CRISPLD2: variants seen among roughly 807,000 people sequenced by gnomAD.
CRISPLD2 encodes the protein cysteine rich secretory protein LCCL domain containing 2.
Under a neutral mutation model 71.1 loss-of-function variants are expected in CRISPLD2, and 47 were observed. The ratio of observed to expected loss-of-function variants is 0.66; its 90% CI spans 0.52 to 0.84. CRISPLD2 has a LOEUF of 0.84. CRISPLD2 is among the 40% of genes least tolerant of loss of function. The pLI, the probability that CRISPLD2 is intolerant of heterozygous loss-of-function variation, is 0.00. For synonymous variants in CRISPLD2, 317 were observed against 250.1 expected (o/e 1.27, Z -2.52); for missense variants, 830 against 651.1 (o/e 1.27, Z -2.99).
At chr16:84,820,576 T>G (rs531224407) in intron 1 of CRISPLD2, among the ~76,000 whole-genome samples, 3 of 152,284 alleles carry the variant, frequency 2.0e-5, no homozygotes, top group African/African-American at 7.2e-5. Context: ...GCATGTGCAT[T>G]CAGCTGCAGT....
chr16:84,889,704 G>C (rs1446598276), intron 14 of CRISPLD2, among the ~76,000 whole-genome samples: 2 of 151,642 alleles, frequency 1.3e-5, no homozygotes, highest in Non-Finnish European at 2.9e-5. Context: ...TCAGCTGGGA[G>C]AATTTACTGT....
chr16:84,853,722 T>G (rs1339785392), intron 5 of CRISPLD2, among the ~76,000 whole-genome samples: 2 of 152,220 alleles, frequency 1.3e-5, no homozygotes, highest in East Asian at 1.9e-4. Context: ...GCCTGTGGAT[T>G]TCCCCAACGC....
At chr16:84,868,236 G>T (rs1012378752) in intron 7 of CRISPLD2, among the ~76,000 whole-genome samples, 1 of 152,168 alleles carries the variant, frequency 6.6e-6, no homozygotes, top group Non-Finnish European at 1.5e-5. Flanking sequence ...ACCTGCGGAG[G>T]CCCTTGTCTG....
chr16:84,888,089 A>G (rs1207093614), intron 13 of CRISPLD2, among the ~76,000 whole-genome samples: 1 of 152,226 alleles, frequency 6.6e-6, no homozygotes, highest in Non-Finnish European at 1.5e-5. Context: ...GGAAGCCAGA[A>G]GTCCAATGTG....
intron 3 of CRISPLD2, among the ~76,000 whole-genome samples, chr16:84,847,509 G>A (rs1288420708): frequency 6.6e-6 from 1 of 152,150 alleles, no homozygotes. Context: ...AAATTAGCCA[G>A]GCGTGGTGGC....
rs1248392498 is a variant in CRISPLD2, at chr16:84,904,619, T to A, written c.1440-1969T>A. 6.2e-5 allele frequency among the ~76,000 whole-genome samples: 9 copies of A among 145,994 alleles called. No individual in the cohort carries two copies. The East Asian group carries it at 1.6e-3, about 26-fold the overall frequency. ...AAAAAAAAAAATTTAAAAAAAAAATTAAAAAAAAAAATGATTGGAAGTCCA... is the reference window on the plus strand; with the variant it reads ...AAAAAAAAAAATTTAAAAAAAAAATAAAAAAAAAAAATGATTGGAAGTCCA... On this transcript the variant is annotated intron_variant, in intron 14 of 14. Coordinates refer to ENST00000262424, the MANE Select transcript of CRISPLD2 (RefSeq NM_031476.4).
intron 3 of CRISPLD2, 73 bp downstream of exon 3, chr16:84,845,977 C>T: frequency 1.1e-6 from 1 of 948,962 alleles, no homozygotes; most frequent in Admixed American, 2.2e-5. Flanking sequence ...ACTTGTGCCC[C>T]TTATCAAGTT....
rs528907599 is a variant in CRISPLD2, at chr16:84,906,726, A to G, written c.*84A>G. ...TTTTTATTTTGTCATTGCGGGGTAT[A>G]TGGAGAGTCAGGAAACTTCCTTTGA... On this transcript the variant is annotated 3_prime_UTR_variant, in exon 15 of 15. Coordinates refer to ENST00000262424, the MANE Select transcript of CRISPLD2 (RefSeq NM_031476.4). 3.4e-6 allele frequency: 5 copies of G among 1,487,758 alleles called. No homozygotes were observed. The African/African-American group carries it at 5.5e-5, about 16-fold the overall frequency. The allele number at this position is 1,487,758 out of a possible 1,614,324, so 92.2% of individuals were successfully genotyped here.
chr16:84,884,848 C>T (rs1044778379), intron 13 of CRISPLD2, among the ~76,000 whole-genome samples: 2 of 152,192 alleles, frequency 1.3e-5, no homozygotes, highest in South Asian at 4.1e-4. Context: ...GGGCTGCCAA[C>T]CAGAACCTCT....
intron 14 of CRISPLD2, among the ~76,000 whole-genome samples, chr16:84,905,659 G>C (rs1274670372): frequency 1.9e-5 from 1 of 53,990 alleles, no homozygotes; most frequent in African/African-American, 1.4e-4. Flanking sequence ...CCAAAGTGCT[G>C]GGATTCCAGG....
At chr16:84,887,224 C>T (rs2071621111) in intron 13 of CRISPLD2, among the ~76,000 whole-genome samples, 3 of 152,116 alleles carry the variant, frequency 2.0e-5, no homozygotes, top group Non-Finnish European at 1.5e-5. Flanking sequence ...GCTGAGTGAC[C>T]CATTGGTGGG....
Position 84,906,621 on chromosome 16 carries a change from G to C in CRISPLD2, c.1473G>C (p.Arg491=), listed in dbSNP as rs1567709775. ...CTCCTCGGGATGGAAAGGCCTTCCG[G>C]ATCTTTGCTGTCAGGCAGTGAATTT... ...LGTPRDGKAF[R]IFAVRQ is the part of the protein sequence containing the mutation. Residue 491 remains arginine, a synonymous_variant, in exon 15 of 15, where the codon CGG becomes CGC. Coordinates refer to ENST00000262424, the MANE Select transcript of CRISPLD2 (RefSeq NM_031476.4). 6.2e-7 allele frequency: 1 copy of C among 1,613,898 alleles called. No homozygotes were observed. The highest frequency in any genetic ancestry group is 1.1e-5 in the South Asian group (1 of 91,056).
intron 8 of CRISPLD2, 101 bp from the exon 9 acceptor site, chr16:84,872,341 A>G (rs1357692952): frequency 1.8e-5 from 17 of 968,858 alleles, no homozygotes; most frequent in Non-Finnish European, 2.8e-5. Flanking sequence ...AAGCTTTTCT[A>G]TATTTAGTAA....
chr16:84,864,549 T>A (rs1294743057), intron 6 of CRISPLD2, among the ~76,000 whole-genome samples: 1 of 152,222 alleles, frequency 6.6e-6, no homozygotes, highest in Admixed American at 6.5e-5. Flanking sequence ...AAACCCGGTG[T>A]CTTCCTGAAG....
At chr16:84,865,311 A>G (rs1406143545) in intron 6 of CRISPLD2, among the ~76,000 whole-genome samples, 1 of 152,128 alleles carries the variant, frequency 6.6e-6, no homozygotes, top group Non-Finnish European at 1.5e-5. Flanking sequence ...ACCCGCCATC[A>G]TGCCCAGCTA....
intron 8 of CRISPLD2, among the ~76,000 whole-genome samples, chr16:84,870,758 C>A (rs988142338): frequency 1.3e-5 from 2 of 152,142 alleles, no homozygotes; most frequent in East Asian, 1.9e-4. Context: ...TCCAGCTTTT[C>A]ACCATTATAA....
chr16:84,834,289 ATGTTGG>A (rs1170223225), intron 1 of CRISPLD2, among the ~76,000 whole-genome samples: 1 of 152,130 alleles, frequency 6.6e-6, no homozygotes, highest in Non-Finnish European at 1.5e-5. Flanking sequence ...CCCCTTCTTG[ATGTTGG>A]CAAGCCCGGG....
At chr16:84,884,857 C>G (rs1242210777) in intron 13 of CRISPLD2, among the ~76,000 whole-genome samples, 1 of 152,222 alleles carries the variant, frequency 6.6e-6, no homozygotes, top group Non-Finnish European at 1.5e-5. Flanking sequence ...ACCAGAACCT[C>G]TTGGCAGCTC....
At chr16:84,883,486 A>G (rs1011326306) in intron 13 of CRISPLD2, among the ~76,000 whole-genome samples, 1 of 152,178 alleles carries the variant, frequency 6.6e-6, no homozygotes, top group African/African-American at 2.4e-5. Flanking sequence ...TCTGAACCTC[A>G]GTCTTCTGTC....
Sources: gnomAD v4.1 joint callset for allele counts (sites outside exome capture counted in the v4.1 genomes callset) on GRCh38, gnomAD v4.1.1 for gene constraint, MANE v1.5 for transcripts, NCBI Gene and HGNC (gene_info 2026-07-23, HGNC 2026-07-21) for gene names.